Variants in SYT2 observed in about 807,000 individuals in gnomAD.
SYT2 encodes synaptotagmin 2, also known as synaptotagmin-2.
A neutral mutation model predicts 39.9 loss-of-function variants in SYT2; 15 were observed. The ratio of observed to expected loss-of-function variants is 0.38; its 90% CI spans 0.25 to 0.58. The LOEUF is 0.58. Ranked by LOEUF, SYT2 falls within the 20% of genes least tolerant of loss-of-function variation. The probability of loss-of-function intolerance (pLI) is 0.70; values close to 1 mark genes in which losing one functional copy is unlikely to be tolerated. For missense variants in SYT2, 389 were observed against 530.3 expected, an observed-to-expected ratio of 0.73 and a Z score of 2.62; for synonymous variants, 181 against 204.5, an observed-to-expected ratio of 0.89 and a Z score of 0.98.
intron 1 of SYT2, among the ~76,000 whole-genome samples, chr1:202,618,416 T>TGTGTGTGTGC (rs1553336812): frequency 2.6e-5 from 4 of 151,772 alleles, no homozygotes; most frequent in African/African-American, 9.7e-5. Context: ...TGTGTGTGTG[T>TGTGTGTGTGC]GTGTGTGTGT....
chr1:202,604,408 C>T (rs200405004), intron 3 of SYT2, 47 bp downstream of exon 3: 1 of 1,592,914 alleles, frequency 6.3e-7, no homozygotes, highest in Non-Finnish European at 8.6e-7. Context: ...ATCAGGAAAG[C>T]CTGGGCTGAG....
intron 1 of SYT2, among the ~76,000 whole-genome samples, chr1:202,670,647 A>G (rs1692570372): frequency 6.6e-6 from 1 of 152,224 alleles, no homozygotes. Flanking sequence ...GGCCATGACC[A>G]TTTGTAACGG....
intron 1 of SYT2, among the ~76,000 whole-genome samples, chr1:202,691,676 GGAGCGAGGGGGA>G (rs1210117970): frequency 1.5e-5 from 2 of 130,650 alleles, no homozygotes; most frequent in African/African-American, 6.0e-5. Context: ...AGAGGGGGAG[GGAGCGAGGGGGA>G]GAGGGAGAGG....
intron 1 of SYT2, among the ~76,000 whole-genome samples, chr1:202,700,714 T>C (rs1442836030): frequency 2.6e-5 from 4 of 152,220 alleles, no homozygotes; most frequent in African/African-American, 9.6e-5. Flanking sequence ...TACTAGAAGG[T>C]AGCTAGAGTT....
intron 1 of SYT2, among the ~76,000 whole-genome samples, chr1:202,629,825 G>A (rs1691519960): frequency 1.5e-5 from 2 of 137,548 alleles, no homozygotes; most frequent in African/African-American, 2.6e-5. Flanking sequence ...ACCTAGCCAT[G>A]CCAGCGGACC....
intron 1 of SYT2, among the ~76,000 whole-genome samples, chr1:202,624,788 T>C (rs1382377565): frequency 7.6e-6 from 1 of 132,086 alleles, no homozygotes; most frequent in Non-Finnish European, 1.6e-5. Context: ...GTGTGTGGTG[T>C]GTATGGCATG....
intron 1 of SYT2, among the ~76,000 whole-genome samples, chr1:202,696,576 G>A (rs920516510): frequency 3.3e-5 from 5 of 152,148 alleles, no homozygotes; most frequent in African/African-American, 9.7e-5. Flanking sequence ...TGTCTGTTCC[G>A]TCTTCATCAC....
intron 1 of SYT2, among the ~76,000 whole-genome samples, chr1:202,648,378 C>T (rs990277961): frequency 1.3e-5 from 2 of 152,138 alleles, no homozygotes; most frequent in Non-Finnish European, 2.9e-5. Flanking sequence ...GATGGGATTT[C>T]ACCATGTTGG....
chr1:202,638,694 A>T (rs753172647), intron 1 of SYT2, among the ~76,000 whole-genome samples: 6 of 150,062 alleles, frequency 4.0e-5, no homozygotes, highest in Non-Finnish European at 5.9e-5. Context: ...AAGTGCTCAC[A>T]CCCGAGGCCC....
At chr1:202,606,991 C>T (rs192762109) in intron 1 of SYT2, among the ~76,000 whole-genome samples, 75 of 152,072 alleles carry the variant, frequency 4.9e-4, no homozygotes, top group African/African-American at 1.7e-3. Context: ...TATGGTAACA[C>T]CATAATTTTT....
intron 1 of SYT2, among the ~76,000 whole-genome samples, chr1:202,695,557 T>C (rs1248157540): frequency 2.6e-5 from 4 of 152,214 alleles, no homozygotes; most frequent in Non-Finnish European, 4.4e-5. Flanking sequence ...TGAACTCGAT[T>C]TGATTGAGTG....
rs545451549 is a variant in SYT2 at position 202,683,086 on chromosome 1, C to T, written c.-18+27172G>A. On this transcript the variant is annotated intron_variant, in intron 1 of 8. Coordinates refer to ENST00000367268, the MANE Select transcript of SYT2 (RefSeq NM_177402.5). Reference sequence around the variant, plus strand: ...CACCAGAATGGCTAAAGTAAAAAGACAGAGAATACCAAAACATGGAGGAGC... The same window carrying T: ...CACCAGAATGGCTAAAGTAAAAAGATAGAGAATACCAAAACATGGAGGAGC... 3.3e-5 allele frequency among the ~76,000 whole-genome samples: 5 copies of T among 152,242 alleles called. No individual in the cohort carries two copies. The South Asian group carries it at 1.0e-3, about 32-fold the overall frequency.
At chr1:202,655,894 G>A (rs1294486973) in intron 1 of SYT2, among the ~76,000 whole-genome samples, 10 of 152,172 alleles carry the variant, frequency 6.6e-5, no homozygotes, top group African/African-American at 2.2e-4. Flanking sequence ...GTGATCATGC[G>A]CAAGGTGACC....
rs114706736 is a variant in SYT2, at chr1:202,638,204, A to C, written c.-17-32415T>G. On this transcript the variant is annotated intron_variant, in intron 1 of 8. Coordinates refer to ENST00000367268, the MANE Select transcript of SYT2 (RefSeq NM_177402.5). ...GACGGCAGCTGCTACAGGGTTCAAGAATTCCATTCCAGCTGGGGAAAGGCT... is the reference window on the plus strand; with the variant it reads ...GACGGCAGCTGCTACAGGGTTCAAGCATTCCATTCCAGCTGGGGAAAGGCT... Among the ~76,000 whole-genome samples, 548 of 152,356 alleles carry C rather than the reference A, an allele frequency of 3.6e-3. 2 individuals carry two copies. The highest frequency in any genetic ancestry group is 0.011 in the African/African-American group (471 of 41,582).
At chr1:202,672,402 GC>G (rs1366947990) in intron 1 of SYT2, among the ~76,000 whole-genome samples, 1 of 152,070 alleles carries the variant, frequency 6.6e-6, no homozygotes, top group Non-Finnish European at 1.5e-5. Flanking sequence ...CAGGAAGAGG[GC>G]CCTCACCCAG....
chr1:202,694,560 A>G (rs1289982181), intron 1 of SYT2, among the ~76,000 whole-genome samples: 1 of 16,146 alleles, frequency 6.2e-5, no homozygotes, highest in Non-Finnish European at 1.3e-4. Flanking sequence ...GGCTGAATTT[A>G]CACACACACA....
At chr1:202,683,760 G>C (rs1653587790) in intron 1 of SYT2, among the ~76,000 whole-genome samples, 2 of 140,086 alleles carry the variant, frequency 1.4e-5, no homozygotes, top group East Asian at 4.1e-4. Flanking sequence ...AAAAAAAAGA[G>C]TGTATACTAT....
intron 1 of SYT2, among the ~76,000 whole-genome samples, chr1:202,695,934 C>G (rs1037402426): frequency 2.0e-5 from 3 of 152,258 alleles, no homozygotes; most frequent in Non-Finnish European, 4.4e-5. Flanking sequence ...ACGGTCCCGA[C>G]TCTGGGCTTG....
chr1:202,656,069 G>A (rs930189319), intron 1 of SYT2, among the ~76,000 whole-genome samples: 3 of 152,174 alleles, frequency 2.0e-5, no homozygotes, highest in African/African-American at 4.8e-5. Context: ...GGCCGTGCCT[G>A]TAAGAAAGGG....
Sources: allele counts gnomAD v4.1 joint callset (sites outside exome capture counted in the v4.1 genomes callset), GRCh38; gene constraint gnomAD v4.1.1; transcripts MANE v1.5; gene names NCBI Gene and HGNC (gene_info 2026-07-23, HGNC 2026-07-21).